SVIL: variants seen among roughly 807,000 people sequenced by gnomAD.
SVIL encodes the protein archvillin.
A neutral mutation model predicts 240.4 loss-of-function variants in SVIL; 101 were observed. The ratio of observed to expected loss-of-function variants is 0.42; its 90% confidence interval spans 0.36 to 0.50. SVIL has a LOEUF of 0.50. SVIL is among the 20% of genes least tolerant of loss of function. SVIL has a pLI of 0.01. For missense variants in SVIL, 2,512 were observed against 2,818.7 expected, an observed-to-expected ratio of 0.89 and a Z score of 2.46; for synonymous variants, 999 against 1,100.0, an observed-to-expected ratio of 0.91 and a Z score of 1.82.
rs776453145 is a variant in SVIL at position 29,487,250 on chromosome 10, G to A, written c.4398C>T (p.Leu1466=). The A allele has an allele frequency of 1.2e-6, 2 of 1,614,144 alleles. No homozygotes were observed. Among genetic ancestry groups the A allele is most frequent in the South Asian group, 1.1e-5 (1 of 91,076 alleles). The change falls in exon 24 of 38, where the codon CTC becomes CTT. Residue 1466 remains leucine (L), a synonymous_variant. Transcript: ENST00000355867. ...TRLVEPRASA[L]NSGDCFLLLS... ...GCAGGAGGAAGCAGTCCCCACTGTT[G>A]AGCGCCGAAGCTCGAGGTTCCACCA...
chr10:29,469,172 A>C (rs1945275528), intron 32 of SVIL: 1 of 152,228 alleles, frequency 6.6e-6, no homozygotes, highest in Non-Finnish European at 1.5e-5. Context: ...GGTCCAAGTA[A>C]ACCCTCTGAT....
At chr10:29,594,792 A>G (rs2505925) in intron 1 of SVIL, among the ~76,000 whole-genome samples, 32,041 of 152,144 alleles carry the variant, frequency 0.21, 3,459 homozygotes, top group Middle Eastern at 0.26. Flanking sequence ...CCTGGGCTCA[A>G]GCAGTCAGCC....
intron 1 of SVIL, among the ~76,000 whole-genome samples, chr10:29,576,357 T>G (rs973285): frequency 0.22 from 32,806 of 152,000 alleles, 5,662 homozygotes; most frequent in African/African-American, 0.48. Flanking sequence ...TGATTATTGG[T>G]ATCATCTCTA....
chr10:29,547,949 C>T (rs528317137), intron 6 of SVIL, among the ~76,000 whole-genome samples: 18 of 152,276 alleles, frequency 1.2e-4, no homozygotes, highest in Non-Finnish European at 1.9e-4. Context: ...AAACCAAGAA[C>T]GTGGTTTCTA....
At chr10:29,508,548 C>G (rs1006648904) in intron 17 of SVIL, 1 of 439,184 alleles carries the variant, frequency 2.3e-6, no homozygotes, top group Non-Finnish European at 4.3e-6. Flanking sequence ...CAACTCATTC[C>G]GTGACCGCAG....
At chr10:29,617,665 T>G (rs1009361118) in intron 1 of SVIL, among the ~76,000 whole-genome samples, 1 of 152,170 alleles carries the variant, frequency 6.6e-6, no homozygotes, top group African/African-American at 2.4e-5. Flanking sequence ...GTAAACTACT[T>G]TTTGGAGATT....
chr10:29,484,762 T>C lies in SVIL; in HGVS notation c.4849A>G (p.Lys1617Glu). 1 of 1,614,052 alleles carries C rather than the reference T, an allele frequency of 6.2e-7. No individual in the cohort carries two copies. The highest frequency in any genetic ancestry group is 1.1e-5 in the South Asian group (1 of 91,058). The change falls in exon 27 of 38, where the codon AAA becomes GAA. Residue 1617 changes from lysine (K) to glutamate (E), a missense_variant. Around this residue, in one of 3 missense-constraint regions of SVIL, gnomAD observed 797 missense variants for 925.3 expected, o/e 0.86. Transcript: ENST00000355867. The surrounding 1 kb of genome is among the most constrained non-coding windows in gnomAD (Gnocchi z 4.7). ...HGKEVTLAQR[K>E]IAFQLAKHLW... ...TGCTTTGCCAGCTGAAATGCTATTT[T>C]TCGTTGTGCTAATGTGACTTCTTTC...
rs1163220475 is a variant in SVIL, at chr10:29,465,666, G to C, written c.6062C>G (p.Pro2021Arg). Residue 2021 changes from proline to arginine, a missense_variant, in exon 34 of 38, where the codon CCT (proline) becomes CGT (arginine). Coordinates refer to ENST00000355867, the MANE Select transcript of SVIL (RefSeq NM_021738.3). ...ACTGACCACAGAGGGGGCTCGGGCA[G>C]GGTACACAAACTCTGTGGCTGCAAA... Reference protein sequence around the residue: ...GDFAATEFVYPARAPSVVSSM... With the variant: ...GDFAATEFVYRARAPSVVSSM... 1.9e-6 allele frequency: 3 copies of C among 1,613,764 alleles called. No individual in the cohort carries two copies. The highest frequency in any genetic ancestry group is 1.7e-6 in the Non-Finnish European group (2 of 1,179,992).
chr10:29,538,584 G>T (rs1951905677), intron 6 of SVIL, among the ~76,000 whole-genome samples: 1 of 152,244 alleles, frequency 6.6e-6, no homozygotes, highest in Non-Finnish European at 1.5e-5. Flanking sequence ...TGCTCGCAGA[G>T]GCAGTGAGCC....
At chr10:29,526,879 A>G in intron 13 of SVIL, 82 bp downstream of exon 13, 1 of 1,162,432 alleles carries the variant, frequency 8.6e-7, no homozygotes, top group Non-Finnish European at 1.2e-6. Context: ...CAAACAAACG[A>G]CAGACATTCA....
chr10:29,619,685 A>G (rs1957557472), intron 1 of SVIL, among the ~76,000 whole-genome samples: 1 of 152,262 alleles, frequency 6.6e-6, no homozygotes, highest in Non-Finnish European at 1.5e-5. Context: ...CAACTGCCAA[A>G]TAATTACCAC....
chr10:29,475,945 CTTTG>C (rs566312762), intron 29 of SVIL, among the ~76,000 whole-genome samples: 28 of 152,238 alleles, frequency 1.8e-4, no homozygotes, highest in South Asian at 1.5e-3. Flanking sequence ...ATTTTTAGCC[CTTTG>C]TTTGGTAAAG....
intron 3 of SVIL, among the ~76,000 whole-genome samples, chr10:29,557,021 T>C: frequency 6.6e-6 from 1 of 152,082 alleles, no homozygotes; most frequent in East Asian, 1.9e-4. Flanking sequence ...ATAGAAAATA[T>C]TAATAGGGTC....
chr10:29,655,104 AG>A (rs1958956543), intron 3 of SVIL, among the ~76,000 whole-genome samples: 1 of 152,192 alleles, frequency 6.6e-6, no homozygotes, highest in Admixed American at 6.5e-5. Flanking sequence ...CAAATGTATT[AG>A]GGTTCTCCAG....
chr10:29,531,617 T>C (rs1951374748), intron 9 of SVIL, among the ~76,000 whole-genome samples: 1 of 152,200 alleles, frequency 6.6e-6, no homozygotes, highest in South Asian at 2.1e-4. Flanking sequence ...AAAACTCAAA[T>C]ACAACAAGTA....
chr10:29,488,741 T>G lies in SVIL; in HGVS notation c.4208A>C (p.Asn1403Thr). 1 of 1,612,470 alleles carries G rather than the reference T, an allele frequency of 6.2e-7. No individual in the cohort carries two copies. Among genetic ancestry groups the G allele is most frequent in the Non-Finnish European group, 8.5e-7 (1 of 1,179,480 alleles). ...MKVEKMSSNSNFSEVTLAGLA... is the reference protein window; with the variant it reads ...MKVEKMSSNSTFSEVTLAGLA... The stretch of plus-strand genomic sequence containing the variant: ...ACCCGCCAGGGTGACTTCTGAGAAG[T>G]TGGAGTTGGAAGACACTGGGCACGT... Residue 1403 changes from asparagine (N) to threonine (T), a missense_variant, in exon 23 of 38, where the codon AAC becomes ACC. By Grantham distance (65) the Asn-to-Thr change is moderately conservative (BLOSUM62 0). Transcript: ENST00000355867.
At chr10:29,476,582 T>C (rs966309897) in intron 29 of SVIL, among the ~76,000 whole-genome samples, 1 of 152,060 alleles carries the variant, frequency 6.6e-6, no homozygotes, top group African/African-American at 2.4e-5. Context: ...TTTTATTTTT[T>C]TGTATAAACA....
chr10:29,661,451 C>T (rs759779219), intron 2 of SVIL, among the ~76,000 whole-genome samples: 9 of 152,138 alleles, frequency 5.9e-5, no homozygotes, highest in Non-Finnish European at 8.8e-5. Context: ...AAACAGGGCA[C>T]CGGAGAAAGG....
intron 1 of SVIL, among the ~76,000 whole-genome samples, chr10:29,693,452 A>G (rs1961674245): frequency 6.6e-6 from 1 of 152,218 alleles, no homozygotes; most frequent in South Asian, 2.1e-4. Flanking sequence ...CACCAAATAC[A>G]TTCTCATTGG....
Sources: allele counts gnomAD v4.1 joint callset (sites outside exome capture counted in the v4.1 genomes callset), GRCh38; gene constraint gnomAD v4.1.1; regional missense constraint gnomAD v4.1.1; non-coding constraint Gnocchi (gnomAD v3.1); transcripts MANE v1.5; gene names NCBI Gene and HGNC (gene_info 2026-07-23, HGNC 2026-07-21).